Variants in ATP9A observed in about 807,000 individuals in gnomAD.
The protein encoded by ATP9A is ATPase phospholipid transporting 9A.
ATP9A carries 52 observed loss-of-function variants against 144.1 expected under a neutral mutation model. The observed-to-expected ratio is 0.36, with a 90% CI of 0.29 to 0.45. ATP9A has a LOEUF of 0.45. Ranked by LOEUF, ATP9A falls within the 20% of genes least tolerant of loss-of-function variation. The pLI, the probability that ATP9A is intolerant of heterozygous loss-of-function variation, is 1.00. For synonymous variants in ATP9A, 582 were observed against 557.4 expected, an observed-to-expected ratio of 1.04 and a Z score of -0.62; for missense variants, 947 against 1,392.7, an observed-to-expected ratio of 0.68 and a Z score of 5.09.
At chr20:51,624,482 G>C (rs576030155) in intron 18 of ATP9A, among the ~76,000 whole-genome samples, 3 of 152,246 alleles carry the variant, frequency 2.0e-5, no homozygotes, top group East Asian at 3.9e-4. Context: ...CACTGGTAGA[G>C]TGCAAAATGC....
intron 1 of ATP9A, among the ~76,000 whole-genome samples, chr20:51,764,376 C>T (rs1164353478): frequency 1.3e-5 from 2 of 152,210 alleles, no homozygotes; most frequent in African/African-American, 4.8e-5. Flanking sequence ...AGGTGAAATG[C>T]CTTGTTTCCT....
chr20:51,680,474 T>G (rs780346246), intron 9 of ATP9A, among the ~76,000 whole-genome samples: 10 of 152,052 alleles, frequency 6.6e-5, no homozygotes, highest in Non-Finnish European at 1.0e-4. Context: ...AAGCTCCTGG[T>G]CCTCCTCCAT....
chr20:51,614,631 C>A (rs2077196145), intron 22 of ATP9A, among the ~76,000 whole-genome samples: 1 of 152,066 alleles, frequency 6.6e-6, no homozygotes, highest in African/African-American at 2.4e-5. Flanking sequence ...GCAGTGACAG[C>A]CAGCAATAAA....
chr20:51,746,115 G>A (rs2077806968), intron 1 of ATP9A, among the ~76,000 whole-genome samples: 1 of 152,174 alleles, frequency 6.6e-6, no homozygotes, highest in Non-Finnish European at 1.5e-5. Flanking sequence ...TTATAAGTAG[G>A]AGCTAAGTGA....
chr20:51,615,282 C>T (rs11696329), intron 22 of ATP9A, among the ~76,000 whole-genome samples: 8,435 of 152,182 alleles, frequency 0.055, 285 homozygotes, highest in African/African-American at 0.088. Context: ...TAGATGAATG[C>T]TCACTGTTCT....
At chr20:51,765,715 G>A (rs548257899) in intron 1 of ATP9A, among the ~76,000 whole-genome samples, 29 of 150,658 alleles carry the variant, frequency 1.9e-4, no homozygotes, top group African/African-American at 5.6e-4. Flanking sequence ...CAGCACTTTC[G>A]GAGGCCAAGG....
intron 14 of ATP9A, among the ~76,000 whole-genome samples, chr20:51,652,649 G>A (rs751319840): frequency 4.6e-5 from 7 of 152,222 alleles, no homozygotes; most frequent in East Asian, 1.9e-4. Flanking sequence ...GGCAGTAGGC[G>A]GCCTCTGAAG....
intron 1 of ATP9A, among the ~76,000 whole-genome samples, chr20:51,731,043 T>C (rs143600431): frequency 4.4e-4 from 67 of 152,016 alleles, no homozygotes; most frequent in African/African-American, 1.6e-3. Flanking sequence ...CGGTGGCTCA[T>C]GCCTGTAATC....
At chr20:51,693,881 G>A (rs1397653204) in intron 7 of ATP9A, 127 bp downstream of exon 7, 1 of 783,326 alleles carries the variant, frequency 1.3e-6, no homozygotes, top group Non-Finnish European at 2.1e-6. Flanking sequence ...GGCTCTCCAG[G>A]ACCCCACGCT....
chr20:51,616,065 C>A (rs1343333482), intron 22 of ATP9A, among the ~76,000 whole-genome samples: 1 of 152,302 alleles, frequency 6.6e-6, no homozygotes, highest in South Asian at 2.1e-4. Context: ...CCATTAAACT[C>A]AAAAACATGC....
At chr20:51,633,951 C>T (rs2077280466) in intron 15 of ATP9A, among the ~76,000 whole-genome samples, 4 of 151,818 alleles carry the variant, frequency 2.6e-5, no homozygotes, top group Non-Finnish European at 5.9e-5. Context: ...CAGTTTTGAT[C>T]CCCCTCTTTA....
chr20:51,745,024 C>A (rs973077998), intron 1 of ATP9A, among the ~76,000 whole-genome samples: 6 of 151,668 alleles, frequency 4.0e-5, no homozygotes, highest in African/African-American at 1.5e-4. Flanking sequence ...TCCTGTAATC[C>A]CAGCACTTTG....
At chr20:51,749,270 T>G (rs943891935) in intron 1 of ATP9A, among the ~76,000 whole-genome samples, 1 of 150,226 alleles carries the variant, frequency 6.7e-6, no homozygotes, top group Admixed American at 6.6e-5. Context: ...AGCTCAGAAT[T>G]TTTTTTTTTT....
intron 1 of ATP9A, among the ~76,000 whole-genome samples, chr20:51,766,692 C>T (rs774866437): frequency 3.3e-5 from 5 of 151,946 alleles, no homozygotes; most frequent in South Asian, 2.1e-4. Flanking sequence ...AATACAAAAA[C>T]TAGTCAGGCG....
chr20:51,647,886 C>A (rs2077348254), intron 14 of ATP9A, among the ~76,000 whole-genome samples: 1 of 152,204 alleles, frequency 6.6e-6, no homozygotes, highest in Non-Finnish European at 1.5e-5. Flanking sequence ...GTCTGTAAAA[C>A]ACTGTCCAGC....
chr20:51,744,884 C>A (rs1294715219), intron 1 of ATP9A, among the ~76,000 whole-genome samples: 2 of 152,210 alleles, frequency 1.3e-5, no homozygotes, highest in East Asian at 3.8e-4. Context: ...AATCCCAGTA[C>A]TTTGGGAGGC....
At chr20:51,703,895 C>A (rs1349954598) in intron 4 of ATP9A, among the ~76,000 whole-genome samples, 2 of 151,736 alleles carry the variant, frequency 1.3e-5, no homozygotes, top group Admixed American at 6.6e-5. Flanking sequence ...CATGCACTAA[C>A]CCTGGTTAAT....
intron 1 of ATP9A, among the ~76,000 whole-genome samples, chr20:51,734,042 T>C (rs1358056707): frequency 6.6e-6 from 1 of 151,994 alleles, no homozygotes; most frequent in African/African-American, 2.4e-5. Context: ...AGTGGCATGA[T>C]CTCAGCTTGT....
intron 4 of ATP9A, among the ~76,000 whole-genome samples, chr20:51,710,621 G>A (rs146635095): frequency 2.0e-5 from 3 of 152,126 alleles, no homozygotes; most frequent in African/African-American, 7.2e-5. Flanking sequence ...AAACTGCAGC[G>A]CTAGGGTCTG....
Sources: gnomAD v4.1 joint callset for allele counts (sites outside exome capture counted in the v4.1 genomes callset) on GRCh38, gnomAD v4.1.1 for gene constraint, MANE v1.5 for transcripts, NCBI Gene and HGNC (gene_info 2026-07-23, HGNC 2026-07-21) for gene names.